The following IL1RAPL2 variants were observed in gnomAD, a reference collection of about 807,000 sequenced individuals.
IL1RAPL2 encodes the protein interleukin 1 receptor accessory protein like 2, also known as X-linked interleukin-1 receptor accessory protein-like 2.
Under a neutral mutation model 44.1 loss-of-function variants are expected in IL1RAPL2, and 3 were observed. The ratio of observed to expected loss-of-function variants is 0.07; its 90% CI spans 0.03 to 0.18. The LOEUF (loss-of-function observed/expected upper bound fraction) is 0.18, where lower values mean the gene tolerates loss of function less well. Among genes scored for constraint, IL1RAPL2 ranks in the 10% least tolerant of loss-of-function variants. The pLI is 1.00. For synonymous variants in IL1RAPL2, 181 were observed against 178.8 expected, an observed-to-expected ratio of 1.01 and a Z score of -0.10; for missense variants, 391 against 496.4, an observed-to-expected ratio of 0.79 and a Z score of 2.02.
In IL1RAPL2 at chrX:105,022,178, T is replaced by C. The variant is rs1278480265; in HGVS notation, c.83-173297T>C. The stretch of plus-strand genomic sequence containing the variant: ...TATATACACACATTATATATATCTA[T>C]AGATAAATTTATTTTTTAACATACA... On this transcript the variant is annotated intron_variant, in intron 2 of 10. Transcript: ENST00000372582. 5.4e-5 allele frequency among the ~76,000 whole-genome samples: 6 copies of C among 111,016 alleles called. No individual in the cohort carries two copies. In the Admixed American group the frequency reaches 5.8e-4, roughly 11 times the overall value.
At chrX:104,581,797 G>T (rs1001145583) in intron 1 of IL1RAPL2, among the ~76,000 whole-genome samples, 6 of 111,275 alleles carry the variant, frequency 5.4e-5, no homozygotes, top group Non-Finnish European at 9.4e-5. Flanking sequence ...CCAAAGTGCT[G>T]GGATTATAGG....
intron 1 of IL1RAPL2, among the ~76,000 whole-genome samples, chrX:104,618,328 C>T (rs1257084268): frequency 8.9e-6 from 1 of 112,246 alleles, no homozygotes; most frequent in South Asian, 3.7e-4. Context: ...CTGCTCAGGC[C>T]GGGGACAGGG....
chrX:104,604,633 CAAAA>C (rs36050333), intron 1 of IL1RAPL2, among the ~76,000 whole-genome samples: 55 of 31,095 alleles, frequency 1.8e-3, no homozygotes, highest in African/African-American at 4.8e-3. Context: ...AAATGCATAG[CAAAA>C]AAAAAAAAAA....
intron 6 of IL1RAPL2, among the ~76,000 whole-genome samples, chrX:105,568,960 A>G (rs745528036): frequency 9.6e-4 from 107 of 111,764 alleles, no homozygotes; most frequent in African/African-American, 3.1e-3. Flanking sequence ...CCAGAGATAC[A>G]CTGGCACCAT....
chrX:104,641,443 G>A (rs921292706), intron 1 of IL1RAPL2, among the ~76,000 whole-genome samples: 1 of 112,160 alleles, frequency 8.9e-6, no homozygotes, highest in Admixed American at 9.4e-5. Flanking sequence ...TCAGGTGAGG[G>A]ATGATAGCGG....
In IL1RAPL2 at chrX:104,849,946, T is replaced by G. The variant is rs750673354; in HGVS notation, c.82+190951T>G. 1.8e-4 allele frequency among the ~76,000 whole-genome samples: 20 copies of G among 111,361 alleles called. No individual in the cohort carries two copies. The South Asian group carries it at 1.9e-3, about 10-fold the overall frequency. ...TTTTTCCAACTAGATACAATACATG[T>G]ACCTACATGTAAATATACCTAGACA... On this transcript the variant is annotated intron_variant, in intron 2 of 10. Transcript: ENST00000372582.
At chrX:105,591,966 C>A (rs1047417038) in intron 6 of IL1RAPL2, among the ~76,000 whole-genome samples, 2 of 110,910 alleles carry the variant, frequency 1.8e-5, no homozygotes, top group African/African-American at 6.6e-5. Flanking sequence ...TACCAAATAT[C>A]TTTGTTAGTT....
At chrX:105,482,670 G>T (rs1033505332) in intron 5 of IL1RAPL2, among the ~76,000 whole-genome samples, 2 of 111,268 alleles carry the variant, frequency 1.8e-5, no homozygotes, top group Admixed American at 9.6e-5. Context: ...AACCTTACCT[G>T]TCCTGTAATC....
intron 5 of IL1RAPL2, among the ~76,000 whole-genome samples, chrX:105,453,572 A>T (rs1000153644): frequency 2.7e-4 from 30 of 112,200 alleles, no homozygotes; most frequent in African/African-American, 9.1e-4. Context: ...CTTTTTTTGC[A>T]ATGCAATGTA....
chrX:105,457,789 G>C (rs1366122580), intron 5 of IL1RAPL2, among the ~76,000 whole-genome samples: 1 of 110,052 alleles, frequency 9.1e-6, no homozygotes, highest in Non-Finnish European at 1.9e-5. Context: ...CATTGGTGCA[G>C]AAATATCTCC....
intron 6 of IL1RAPL2, among the ~76,000 whole-genome samples, chrX:105,603,816 T>C (rs1278125545): frequency 1.8e-5 from 2 of 111,943 alleles, no homozygotes; most frequent in East Asian, 5.6e-4. Context: ...ACAAGTTTCT[T>C]TTCAGGCCAC....
Position 105,484,424 on chromosome X carries a change from G to A in IL1RAPL2, c.772+37G>A, listed in dbSNP as rs775302873. 7.1e-6 allele frequency: 7 copies of A among 989,758 alleles called. No homozygotes were observed. In the African/African-American group the frequency reaches 1.3e-4, roughly 19 times the overall value. 81.6% of individuals were successfully genotyped at this position (989,758 alleles called of 1,213,427 possible). On this transcript the variant is annotated intron_variant, in intron 6 of 10. Coordinates refer to ENST00000372582, the MANE Select transcript of IL1RAPL2 (RefSeq NM_017416.2). ...CCTTGGAATAACACTTCCTAAACTT[G>A]CCCTCTGTTAACAGATGGGGAAAAT... is the stretch of plus-strand genomic sequence containing the variant.
chrX:104,911,597 C>G (rs1262089103), intron 2 of IL1RAPL2, among the ~76,000 whole-genome samples: 1 of 111,883 alleles, frequency 8.9e-6, no homozygotes, highest in Non-Finnish European at 1.9e-5. Flanking sequence ...TCTGTTCACT[C>G]TCCACTCTTG....
chrX:105,278,308 C>T (rs2034501994), intron 5 of IL1RAPL2, among the ~76,000 whole-genome samples: 1 of 111,477 alleles, frequency 9.0e-6, no homozygotes, highest in South Asian at 3.9e-4. Flanking sequence ...CCATTGACTC[C>T]TTGGCTGCCT....
At chrX:105,659,760 C>G (rs2037706514) in intron 6 of IL1RAPL2, among the ~76,000 whole-genome samples, 1 of 109,547 alleles carries the variant, frequency 9.1e-6, no homozygotes, top group South Asian at 4.0e-4. Flanking sequence ...ATTCTCTTAA[C>G]AGCAGAGCTG....
At chrX:105,534,061 T>C (rs2036660285) in intron 6 of IL1RAPL2, among the ~76,000 whole-genome samples, 2 of 112,321 alleles carry the variant, frequency 1.8e-5, no homozygotes, top group African/African-American at 6.5e-5. Flanking sequence ...TTATCAAAGA[T>C]ATACCTTCAA....
intron 2 of IL1RAPL2, among the ~76,000 whole-genome samples, chrX:104,792,191 CT>C (rs1487237110): frequency 4.5e-5 from 5 of 111,134 alleles, no homozygotes; most frequent in Non-Finnish European, 9.4e-5. Flanking sequence ...TTCACATGCT[CT>C]GCTACTTCAT....
chrX:104,773,966 T>C (rs770071129), intron 2 of IL1RAPL2, among the ~76,000 whole-genome samples: 1 of 112,290 alleles, frequency 8.9e-6, no homozygotes, highest in South Asian at 3.7e-4. Context: ...CTACCCGTAG[T>C]GCCAAATCTT....
intron 6 of IL1RAPL2, among the ~76,000 whole-genome samples, chrX:105,599,568 C>A (rs2147821728): frequency 9.0e-6 from 1 of 110,621 alleles, no homozygotes; most frequent in South Asian, 3.8e-4. Flanking sequence ...TAGGAGGCAC[C>A]AAAGAACTTA....
Sources: gnomAD v4.1 joint callset for allele counts (sites outside exome capture counted in the v4.1 genomes callset) on GRCh38, gnomAD v4.1.1 for gene constraint, MANE v1.5 for transcripts, NCBI Gene and HGNC (gene_info 2026-07-23, HGNC 2026-07-21) for gene names.